The following DACT2 variants were observed in gnomAD, a reference collection of about 807,000 sequenced individuals.
The protein encoded by DACT2 is dapper homolog 2.
Under a neutral mutation model 22.2 loss-of-function variants are expected in DACT2, and 20 were observed. The observed-to-expected ratio is 0.90, with a 90% CI of 0.63 to 1.31. The LOEUF (loss-of-function observed/expected upper bound fraction) is 1.31. Among genes scored for constraint, DACT2 ranks in the 50% most tolerant of loss-of-function variants. DACT2 has a pLI of 0.00. For missense variants in DACT2, 1,048 were observed against 1,061.4 expected, an observed-to-expected ratio of 0.99 and a Z score of 0.18; for synonymous variants, 463 against 479.8, an observed-to-expected ratio of 0.96 and a Z score of 0.46.
intron 2 of DACT2, 63 bp downstream of exon 2, chr6:168,311,089 G>A: frequency 6.9e-7 from 1 of 1,456,658 alleles, no homozygotes. Context: ...GGCGGGATAG[G>A]CTTCACCTCT....
At chr6:168,313,108 G>A (rs952791750) in intron 1 of DACT2, among the ~76,000 whole-genome samples, 7 of 152,144 alleles carry the variant, frequency 4.6e-5, no homozygotes, top group Non-Finnish European at 1.0e-4. Flanking sequence ...GTGCAGTGGC[G>A]CGAGTTCAGC....
chr6:168,294,240 G>T (rs1489621262), intron 4 of DACT2: 2 of 702,918 alleles, frequency 2.8e-6, no homozygotes, highest in Non-Finnish European at 2.6e-6. Context: ...AAACATGAGT[G>T]CCAGGAGCTC....
At chr6:168,311,057 G>C in intron 2 of DACT2, 95 bp downstream of exon 2, 1 of 1,386,178 alleles carries the variant, frequency 7.2e-7, no homozygotes, top group Non-Finnish European at 9.4e-7. Flanking sequence ...ACCTGGAATG[G>C]AATTTCAGCC....
At chr6:168,297,716 A>G (rs1190923928) in intron 3 of DACT2, among the ~76,000 whole-genome samples, 2 of 152,244 alleles carry the variant, frequency 1.3e-5, no homozygotes, top group Admixed American at 1.3e-4. Flanking sequence ...CTATACAGAG[A>G]GAGTCTTGCT....
Position 168,308,623 on chromosome 6 carries a change from T to C in DACT2, c.1134A>G (p.Arg378=), listed in dbSNP as rs1359926765. ...QGGWSTDGGG[R]LLVFAPGRED... ...CCCTCCCTGGGGCGAAGACCAGCAG[T>C]CGCCCTCCACCGTCTGTACTCCAGC... Residue 378 remains arginine, a synonymous_variant, in exon 4 of 4, where the codon CGA becomes CGG. Transcript: ENST00000366795. 2 of 1,544,392 alleles carry C rather than the reference T, an allele frequency of 1.3e-6. No homozygotes were observed. The highest frequency in any genetic ancestry group is 1.7e-6 in the Non-Finnish European group (2 of 1,146,906).
chr6:168,299,821 G>A (rs12201440), intron 3 of DACT2: 98,345 of 152,220 alleles, frequency 0.65, 32,675 homozygotes, highest in Non-Finnish European at 0.72. Flanking sequence ...GCTTCTTTCT[G>A]TACCCAACAC....
chr6:168,296,421 A>T (rs2114892228), intron 3 of DACT2, among the ~76,000 whole-genome samples: 1 of 149,308 alleles, frequency 6.7e-6, no homozygotes, highest in Admixed American at 6.7e-5. Context: ...AGGCACCCGG[A>T]ATCAGGGAAA....
At chr6:168,298,375 T>C (rs915733946) in intron 3 of DACT2, 13 of 152,234 alleles carry the variant, frequency 8.5e-5, no homozygotes, top group Admixed American at 5.2e-4. Context: ...CTTGCATTTG[T>C]TTTTTGTTTT....
intron 2 of DACT2, 71 bp downstream of exon 2, chr6:168,311,081 C>A (rs542675055): frequency 7.0e-7 from 1 of 1,425,348 alleles, no homozygotes; most frequent in Admixed American, 2.6e-5. Context: ...GAGGGGCTGG[C>A]GGGATAGGCT....
rs745550369 is a variant in DACT2 at position 168,310,249 on chromosome 6, C to T, written c.577G>A (p.Glu193Lys). Residue 193 changes from glutamate to lysine, a missense_variant, in exon 3 of 4, where the codon GAG becomes AAG. Coordinates refer to ENST00000366795, the MANE Select transcript of DACT2 (RefSeq NM_214462.5). ...TVPAWRPQAT[E>K]EGARPPGSVE... Reference sequence around the variant, plus strand: ...CTCCCTGGGGGCCTGGCGCCCTCCTCGGTAGCCTGGGGTCTCCACGCTGGC... The same window carrying T: ...CTCCCTGGGGGCCTGGCGCCCTCCTTGGTAGCCTGGGGTCTCCACGCTGGC... 42 of 1,551,250 alleles carry T rather than the reference C, an allele frequency of 2.7e-5. No homozygotes were observed. The highest frequency in any genetic ancestry group is 1.2e-4 in the Admixed American group (6 of 50,982).
intron 4 of DACT2, chr6:168,294,535 G>T: frequency 1.4e-6 from 1 of 695,610 alleles, no homozygotes; most frequent in Non-Finnish European, 2.1e-6. Context: ...AGAACTTAAA[G>T]TATAATAAAA....
rs1249192925 is a variant in DACT2, at chr6:168,294,567, G to GTATATA, written c.730+65_730+66insTATATA. On this transcript the variant is annotated intron_variant, in intron 4 of 5. Transcript: ENST00000366796. ...AAAATATGTGTGTGTGTGTATGTGT[G>GTATATA]TGTGTGTGTGTATATATATATATAT... is the stretch of plus-strand genomic sequence containing the variant. 7 of 480,722 alleles carry GTATATA rather than the reference G, an allele frequency of 1.5e-5. No individual in the cohort carries two copies. The African/African-American group carries it at 3.8e-4, about 26-fold the overall frequency. The allele number at this position is 480,722 out of a possible 1,614,324, so 29.8% of individuals were successfully genotyped here. A position where few individuals can be genotyped will look rare whatever the true frequency, so the allele number is the denominator to read the frequency against.
Position 168,307,535 on chromosome 6 carries a change from A to C in DACT2, c.2222T>G (p.Leu741Arg), listed in dbSNP as rs1387603716. The change falls in exon 4 of 4, where the codon CTG (leucine) becomes CGG (arginine). Residue 741 changes from leucine to arginine, a missense_variant. By Grantham distance (102) the Leu-to-Arg change is moderately radical. Transcript: ENST00000366795. This position sits in a 1 kb window ranked among gnomAD's most constrained non-coding sequence, Gnocchi z 5.3. Reference protein sequence around the residue: ...QEAPVSSGPLLSPVPKLCRIK... With the variant: ...QEAPVSSGPLRSPVPKLCRIK... The stretch of plus-strand genomic sequence containing the variant: ...ACGGCACAGCTTGGGCACGGGGGAC[A>C]GGAGTGGCCCCGAGCTGACCGGGGC... 4 of 1,551,536 alleles carry C rather than the reference A, an allele frequency of 2.6e-6. No individual in the cohort carries two copies. The highest frequency in any genetic ancestry group is 2.0e-5 in the Admixed American group (1 of 51,008).
chr6:168,293,116 A>G (rs936597342), exon 6 of DACT2: 7 of 152,160 alleles, frequency 4.6e-5, no homozygotes, highest in Non-Finnish European at 1.0e-4. Flanking sequence ...AAATGAGAAG[A>G]CCGGCCATTA....
At chr6:168,297,227 C>A (rs949486558) in intron 3 of DACT2, among the ~76,000 whole-genome samples, 2 of 152,162 alleles carry the variant, frequency 1.3e-5, no homozygotes, top group African/African-American at 4.8e-5. Flanking sequence ...GAGATGTCCG[C>A]GTCCTAATCC....
At chr6:168,306,441 C>G (rs533657478), downstream of DACT2, among the ~76,000 whole-genome samples, 2 of 150,940 alleles carry the variant, frequency 1.3e-5, no homozygotes, top group African/African-American at 4.9e-5. Flanking sequence ...CACTTTTATG[C>G]CCCCTCTTTT....
intron 1 of DACT2, among the ~76,000 whole-genome samples, chr6:168,313,467 C>T (rs1551989): frequency 0.65 from 98,368 of 152,058 alleles, 33,125 homozygotes; most frequent in East Asian, 0.93. Flanking sequence ...ACCCTGCACA[C>T]TTTTACACAG....
intron 4 of DACT2, chr6:168,294,541 T>C: frequency 1.4e-6 from 1 of 700,816 alleles, no homozygotes; most frequent in Non-Finnish European, 2.0e-6. Flanking sequence ...TAAAGTATAA[T>C]AAAATATGTG....
rs1183296795 is a variant in DACT2, at chr6:168,311,183, C to T, written c.348G>A (p.Glu116=). ...TGGGCCTGCTGTCGCTGTCCAGGGC[C>T]TCCCCTGAGGCTGTGCCCACATCCA... The part of the protein sequence containing the change: ...LQLDVGTASG[E]ALDSDSRPSS... The change falls in exon 2 of 4, where the codon GAG becomes GAA. Residue 116 remains glutamate, a synonymous_variant. Coordinates refer to ENST00000366795, the MANE Select transcript of DACT2 (RefSeq NM_214462.5). 9.7e-6 allele frequency: 15 copies of T among 1,545,560 alleles called. No individual in the cohort carries two copies. The highest frequency in any genetic ancestry group is 1.2e-5 in the Non-Finnish European group (14 of 1,143,106).
Sources: gnomAD v4.1 joint callset for allele counts (sites outside exome capture counted in the v4.1 genomes callset) on GRCh38, gnomAD v4.1.1 for gene constraint, Gnocchi (gnomAD v3.1) non-coding constraint, MANE v1.5 for transcripts, NCBI Gene and HGNC (gene_info 2026-07-23, HGNC 2026-07-21) for gene names.